The following NOX5 variants were observed in gnomAD, a reference collection of about 807,000 sequenced individuals.
NOX5 encodes the protein NADPH oxidase, EF-hand calcium binding domain 5.
NOX5 carries 76 observed loss-of-function variants against 85.7 expected under a neutral mutation model. The ratio of observed to expected loss-of-function variants is 0.89; its 90% CI spans 0.74 to 1.07. The LOEUF (loss-of-function observed/expected upper bound fraction) is 1.07, where lower values mean the gene tolerates loss of function less well. Ranked by LOEUF, NOX5 falls within the 50% of genes least tolerant of loss-of-function variation. The probability of loss-of-function intolerance (pLI) is 0.00; values close to 1 mark genes in which losing one functional copy is unlikely to be tolerated. For synonymous variants in NOX5, 405 were observed against 401.4 expected (o/e 1.01, Z -0.11); for missense variants, 973 against 999.5 (o/e 0.97, Z 0.36).
rs1567112080 is a variant in NOX5 at position 69,061,736 on chromosome 15, G to T, written c.*5040G>T. 1.3e-5 allele frequency: 2 copies of T among 152,158 alleles called. No individual in the cohort carries two copies. Among genetic ancestry groups the T allele is most frequent in the Non-Finnish European group, 2.9e-5 (2 of 68,034 alleles). The allele number at this position is 152,158 out of a possible 1,614,324, so 9.4% of individuals were successfully genotyped here. ...TAGCCACCCAGCCATGGCCCCAAAA[G>T]GGCTGCCCTAATACTACTCAGGGAC... is the stretch of plus-strand genomic sequence containing the variant. On this transcript the variant is annotated 3_prime_UTR_variant, in exon 16 of 16. Transcript: ENST00000388866.
intron 14 of NOX5, among the ~76,000 whole-genome samples, chr15:69,053,783 C>T (rs577653653): frequency 6.7e-4 from 102 of 152,264 alleles, no homozygotes; most frequent in Non-Finnish European, 8.5e-4. Flanking sequence ...CTTCTCTCCT[C>T]TTACCCCTCT....
intron 7 of NOX5, among the ~76,000 whole-genome samples, chr15:69,036,210 G>T (rs2050514624): frequency 6.6e-6 from 1 of 152,196 alleles, no homozygotes; most frequent in African/African-American, 2.4e-5. Context: ...AGTACAGGGA[G>T]GGGAAGGAAC....
At chr15:69,028,053 G>A (rs926880404) in intron 2 of NOX5, among the ~76,000 whole-genome samples, 162 bp from the exon 3 acceptor site, 1 of 152,130 alleles carries the variant, frequency 6.6e-6, no homozygotes, top group Non-Finnish European at 1.5e-5. Flanking sequence ...TTCCATTAGA[G>A]CAGATCACGA....
chr15:69,015,007 G>T (rs1392508502), intron 1 of NOX5, among the ~76,000 whole-genome samples: 1 of 152,204 alleles, frequency 6.6e-6, no homozygotes, highest in Admixed American at 6.5e-5. Context: ...AACTGGCCAA[G>T]TCAGTGTAAT....
chr15:69,021,408 C>T (rs2050294245), intron 1 of NOX5, among the ~76,000 whole-genome samples: 1 of 150,302 alleles, frequency 6.7e-6, no homozygotes, highest in South Asian at 2.1e-4. Context: ...ACCTCTGCCT[C>T]CTGGGTTCAA....
At chr15:69,027,853 T>C (rs2050377599) in intron 2 of NOX5, among the ~76,000 whole-genome samples, 1 of 152,134 alleles carries the variant, frequency 6.6e-6, no homozygotes, top group Non-Finnish European at 1.5e-5. Context: ...GGAAGGAGCC[T>C]GCAGGAGGAC....
chr15:69,034,733 C>T (rs2050489248), intron 5 of NOX5, among the ~76,000 whole-genome samples: 1 of 152,122 alleles, frequency 6.6e-6, no homozygotes, highest in African/African-American at 2.4e-5. Flanking sequence ...ACCAAGTCAA[C>T]AGAGATATTT....
rs1224642169 is a variant in NOX5 at position 69,028,199 on chromosome 15, C to G, written c.175-16C>G. 1 of 1,581,260 alleles carries G rather than the reference C, an allele frequency of 6.3e-7. No individual in the cohort carries two copies. Among genetic ancestry groups the G allele is most frequent in the Admixed American group, 1.8e-5 (1 of 56,602 alleles). On this transcript the variant is annotated splice_polypyrimidine_tract_variant and intron_variant, in intron 2 of 15. Coordinates refer to ENST00000388866, the MANE Select transcript of NOX5 (RefSeq NM_024505.4). ...GCGGCCACAGTTGTGCTGTCTTCCA[C>G]CCTTCTCGCCCACAGTCCTTCTTTG...
chr15:69,024,468 C>A (rs1200867430), intron 1 of NOX5, among the ~76,000 whole-genome samples: 2 of 152,138 alleles, frequency 1.3e-5, no homozygotes, highest in African/African-American at 4.8e-5. Context: ...TGAATCCACA[C>A]TATACACGCT....
chr15:69,050,706 A>G (rs185126311), intron 14 of NOX5, among the ~76,000 whole-genome samples: 1 of 152,308 alleles, frequency 6.6e-6, no homozygotes, highest in Admixed American at 6.5e-5. Context: ...ATTTCTTTAA[A>G]TAGTACTGCA....
intron 7 of NOX5, 60 bp downstream of exon 7, chr15:69,035,996 C>A (rs2050512241): frequency 6.3e-7 from 1 of 1,596,894 alleles, no homozygotes. Flanking sequence ...TCATTTCTTT[C>A]TGTGTCCCCT....
At chr15:69,042,069 A>T (rs940170016) in intron 9 of NOX5, among the ~76,000 whole-genome samples, 10 of 39,066 alleles carry the variant, frequency 2.6e-4, no homozygotes, top group Admixed American at 6.6e-4. Context: ...TCCCTGGTTT[A>T]AAAAAAAAAA....
intron 1 of NOX5, among the ~76,000 whole-genome samples, chr15:69,020,153 A>G (rs1319565943): frequency 6.6e-6 from 1 of 152,168 alleles, no homozygotes; most frequent in Non-Finnish European, 1.5e-5. Flanking sequence ...ATACCTAATA[A>G]AAGCATTTAC....
At chr15:69,047,961 ACTC>A (rs774594372) in intron 13 of NOX5, 50 bp downstream of exon 13, 51 of 1,547,792 alleles carry the variant, frequency 3.3e-5, no homozygotes, top group Non-Finnish European at 3.9e-5. Context: ...CCCCTGGACA[ACTC>A]CTAAAATAGG....
intron 11 of NOX5, 161 bp from the exon 12 acceptor site, chr15:69,047,252 G>A: frequency 2.4e-6 from 2 of 843,798 alleles, no homozygotes; most frequent in Non-Finnish European, 1.8e-6. Context: ...CACAGGATGT[G>A]GAAAGAGCAC....
chr15:69,055,527 T>C (rs1417299340), intron 15 of NOX5, 27 bp downstream of exon 15: 5 of 1,609,762 alleles, frequency 3.1e-6, no homozygotes, highest in Non-Finnish European at 4.2e-6. Flanking sequence ...CCCTGCAGCT[T>C]GCAGGTATGG....
chr15:69,048,953 C>G lies in NOX5; in HGVS notation c.1900-6C>G, dbSNP rs146023435. 1.2e-6 allele frequency: 2 copies of G among 1,608,340 alleles called. No individual in the cohort carries two copies. Among genetic ancestry groups the G allele is most frequent in the African/African-American group, 2.7e-5 (2 of 74,832 alleles). ...AGCCTCTGAGCTGAAGGGCCTCTCT[C>G]CGTAGGTGGACTTTATCTGGATCAA... On this transcript the variant is annotated splice_polypyrimidine_tract_variant and splice_region_variant and intron_variant, in intron 13 of 15. Coordinates refer to ENST00000388866, the MANE Select transcript of NOX5 (RefSeq NM_024505.4).
At chr15:69,039,103 C>A in intron 9 of NOX5, 114 bp downstream of exon 9, 1 of 1,244,614 alleles carries the variant, frequency 8.0e-7, no homozygotes, top group Non-Finnish European at 1.1e-6. Flanking sequence ...AACACAAAGT[C>A]AGCCTCAAAA....
chr15:69,042,825 A>C lies in NOX5; in HGVS notation c.1647+20A>C, dbSNP rs181473976. On this transcript the variant is annotated intron_variant, in intron 10 of 15. Coordinates refer to ENST00000388866, the MANE Select transcript of NOX5 (RefSeq NM_024505.4). ...TCCAAGGTAGGTGGCTACTGGAGGGAAGGGGTCCACTCTGCTGGCAAGTCC... is the reference window on the plus strand; with the variant it reads ...TCCAAGGTAGGTGGCTACTGGAGGGCAGGGGTCCACTCTGCTGGCAAGTCC... 6.1e-4 allele frequency: 979 copies of C among 1,609,814 alleles called. 5 individuals carry two copies. The highest frequency in any genetic ancestry group is 5.3e-5 in the Non-Finnish European group (63 of 1,177,974).
Sources: gnomAD v4.1 joint callset for allele counts (sites outside exome capture counted in the v4.1 genomes callset) on GRCh38, gnomAD v4.1.1 for gene constraint, MANE v1.5 for transcripts, NCBI Gene and HGNC (gene_info 2026-07-23, HGNC 2026-07-21) for gene names.